STXBP6: variants seen among roughly 807,000 people sequenced by gnomAD.
The protein encoded by STXBP6 is syntaxin-binding protein 6.
A neutral mutation model predicts 26.9 loss-of-function variants in STXBP6; 21 were observed. The observed-to-expected ratio is 0.78, with a 90% CI of 0.55 to 1.12. The LOEUF (loss-of-function observed/expected upper bound fraction) is 1.12, where lower values mean the gene tolerates loss of function less well. STXBP6 is among the 50% of genes most tolerant of loss of function. The pLI is 0.00. For missense variants in STXBP6, 232 were observed against 257.9 expected, an observed-to-expected ratio of 0.90 and a Z score of 0.69; for synonymous variants, 97 against 92.6, an observed-to-expected ratio of 1.05 and a Z score of -0.27.
Position 24,812,655 on chromosome 14 carries a change from G to A in STXBP6, c.*54C>T, listed in dbSNP as rs2067855104. ...GAGGTCCCGAATTCTTGTAAAAACT[G>A]CTGAACAAACTCTTCAGTTTCTCTT... On this transcript the variant is annotated 3_prime_UTR_variant, in exon 6 of 6. Transcript: ENST00000323944. 1 of 1,582,004 alleles carries A rather than the reference G, an allele frequency of 6.3e-7. No individual in the cohort carries two copies. The highest frequency in any genetic ancestry group is 2.2e-5 in the East Asian group (1 of 44,644).
Position 24,851,275 on chromosome 14 carries a change from T to C in STXBP6, c.451+4661A>G, listed in dbSNP as rs947921568. On this transcript the variant is annotated intron_variant, in intron 4 of 5. Coordinates refer to ENST00000323944, the MANE Select transcript of STXBP6 (RefSeq NM_001394410.1). ...TTTATACTTTAAGTTTTAGGGTACA[T>C]GTGCACAACGTGCAGGTTAGTTACA... 5.3e-5 allele frequency among the ~76,000 whole-genome samples: 8 copies of C among 150,700 alleles called. 2 individuals are homozygous for C. The highest frequency in any genetic ancestry group is 4.0e-4 in the Admixed American group (6 of 15,068).
intron 2 of STXBP6, among the ~76,000 whole-genome samples, chr14:24,961,796 TA>T (rs34394007): frequency 0.28 from 42,848 of 151,470 alleles, 7,012 homozygotes; most frequent in African/African-American, 0.46. Context: ...AAATCTAAGC[TA>T]AAAAAAAATA....
At chr14:25,026,363 C>T (rs2075350078) in intron 1 of STXBP6, among the ~76,000 whole-genome samples, 1 of 152,152 alleles carries the variant, frequency 6.6e-6, no homozygotes, top group Non-Finnish European at 1.5e-5. Context: ...ATCTCTTATC[C>T]AAATCCCCTA....
At chr14:24,935,856 C>T (rs994577113) in intron 2 of STXBP6, among the ~76,000 whole-genome samples, 7 of 152,162 alleles carry the variant, frequency 4.6e-5, no homozygotes, top group Non-Finnish European at 8.8e-5. Flanking sequence ...TCCTGATGAA[C>T]ACATACTAAC....
rs564905617 is a variant in STXBP6, at chr14:25,019,034, A to AT, written c.-33+30843_-33+30844insA. Among the ~76,000 whole-genome samples the AT allele has an allele frequency of 2.8e-3, 432 of 152,212 alleles. 5 individuals are homozygous for AT. The highest frequency in any genetic ancestry group is 9.1e-3 in the African/African-American group (380 of 41,532). On this transcript the variant is annotated intron_variant, in intron 1 of 5. Coordinates refer to ENST00000323944, the MANE Select transcript of STXBP6 (RefSeq NM_001394410.1). The stretch of plus-strand genomic sequence containing the variant: ...GGTAGGCTTCTACCTCATCTTCCAC[A>AT]CTTTTTACTATGCCTAGTGAAGATG...
rs200296496 is a variant in STXBP6 at position 25,045,600 on chromosome 14, C to CT, written c.-33+4277dup. Among the ~76,000 whole-genome samples the CT allele has an allele frequency of 1.5e-3, 204 of 135,986 alleles. 2 individuals carry two copies. Among genetic ancestry groups the CT allele is most frequent in the South Asian group, 6.6e-3 (27 of 4,116 alleles). 89.2% of individuals were successfully genotyped at this position (135,986 alleles called of 152,430 possible). A position where few individuals can be genotyped will look rare whatever the true frequency, so the allele number is the denominator to read the frequency against. On this transcript the variant is annotated intron_variant, in intron 1 of 5. Coordinates refer to ENST00000323944, the MANE Select transcript of STXBP6 (RefSeq NM_001394410.1). ...TTAAATGCGTTCATACTTTTTTTTT[C>CT]TTTTCTTTTTTTTTTTTTTTGAGAT...
At chr14:24,964,017 A>G (rs2140138887) in intron 2 of STXBP6, among the ~76,000 whole-genome samples, 1 of 151,394 alleles carries the variant, frequency 6.6e-6, no homozygotes, top group South Asian at 2.1e-4. Context: ...ACCAGCCACT[A>G]TAATCCAGAG....
At chr14:25,044,977 A>C (rs1239826045) in intron 1 of STXBP6, among the ~76,000 whole-genome samples, 2 of 152,242 alleles carry the variant, frequency 1.3e-5, no homozygotes, top group Admixed American at 6.5e-5. Flanking sequence ...ACTACAGCTT[A>C]AAATGTTCTT....
intron 2 of STXBP6, among the ~76,000 whole-genome samples, chr14:24,871,808 G>A (rs1338894987): frequency 6.6e-6 from 1 of 152,048 alleles, no homozygotes; most frequent in Non-Finnish European, 1.5e-5. Context: ...TCATTGCCTG[G>A]GACCATGGAT....
intron 5 of STXBP6, chr14:24,816,201 C>T (rs993598886): frequency 6.6e-6 from 1 of 152,206 alleles, no homozygotes; most frequent in South Asian, 2.1e-4. Context: ...CTGGCCCCCA[C>T]TTGTAAGCAC....
At chr14:25,038,590 T>C (rs983332636) in intron 1 of STXBP6, among the ~76,000 whole-genome samples, 1 of 152,076 alleles carries the variant, frequency 6.6e-6, no homozygotes, top group African/African-American at 2.4e-5. Flanking sequence ...AAGTCAGACA[T>C]AGGAACCCTT....
intron 4 of STXBP6, among the ~76,000 whole-genome samples, chr14:24,832,398 C>A (rs1400120937): frequency 2.6e-5 from 4 of 152,174 alleles, no homozygotes; most frequent in Non-Finnish European, 5.9e-5. Flanking sequence ...ACCTCATAGA[C>A]AGATTGGGTA....
intron 1 of STXBP6, among the ~76,000 whole-genome samples, chr14:24,992,954 C>T (rs778725530): frequency 4.6e-5 from 7 of 152,174 alleles, no homozygotes; most frequent in Non-Finnish European, 1.0e-4. Flanking sequence ...CCACACACTC[C>T]GGTTTTCTTC....
chr14:24,880,300 CAT>C (rs959088383), intron 2 of STXBP6, among the ~76,000 whole-genome samples: 2 of 152,146 alleles, frequency 1.3e-5, no homozygotes, highest in Non-Finnish European at 2.9e-5. Context: ...CAAAACAAGA[CAT>C]AGCAACTAGG....
chr14:25,001,774 T>C (rs2074767239), intron 1 of STXBP6, among the ~76,000 whole-genome samples: 3 of 152,278 alleles, frequency 2.0e-5, no homozygotes, highest in African/African-American at 7.2e-5. Context: ...TTGGCATGCC[T>C]TGTAATTTTT....
chr14:24,959,806 C>G (rs1474545914), intron 2 of STXBP6, among the ~76,000 whole-genome samples: 1 of 152,162 alleles, frequency 6.6e-6, no homozygotes, highest in African/African-American at 2.4e-5. Context: ...GAATGAGACT[C>G]CCTTGGATGA....
intron 5 of STXBP6, among the ~76,000 whole-genome samples, chr14:24,814,321 C>T (rs2067908120): frequency 6.6e-6 from 1 of 152,236 alleles, no homozygotes; most frequent in African/African-American, 2.4e-5. Flanking sequence ...ACGGCCTCTA[C>T]TTCTTGCTCT....
At chr14:24,909,514 T>A (rs75732861) in intron 2 of STXBP6, among the ~76,000 whole-genome samples, 2,299 of 152,174 alleles carry the variant, frequency 0.015, 48 homozygotes, top group African/African-American at 0.045. Context: ...GGCATGGTGG[T>A]TCGTGCCTGT....
chr14:25,034,798 A>C (rs1221815302), intron 1 of STXBP6, among the ~76,000 whole-genome samples: 2 of 152,250 alleles, frequency 1.3e-5, no homozygotes, highest in Non-Finnish European at 2.9e-5. Flanking sequence ...AGGAAGCCTC[A>C]GATATTCACT....
Sources: gnomAD v4.1 joint callset for allele counts (sites outside exome capture counted in the v4.1 genomes callset) on GRCh38, gnomAD v4.1.1 for gene constraint, MANE v1.5 for transcripts, NCBI Gene and HGNC (gene_info 2026-07-23, HGNC 2026-07-21) for gene names.